Variants in PXDNL observed in about 807,000 individuals in gnomAD.
The protein encoded by PXDNL is peroxidasin like.
A neutral mutation model predicts 150.8 loss-of-function variants in PXDNL; 145 were observed. The ratio of observed to expected loss-of-function variants is 0.96; its 90% CI spans 0.84 to 1.10. PXDNL has a LOEUF of 1.10. Ranked by LOEUF, PXDNL falls within the 50% of genes least tolerant of loss-of-function variation. PXDNL has a pLI of 0.00. For synonymous variants in PXDNL, 757 were observed against 725.7 expected, an observed-to-expected ratio of 1.04 and a Z score of -0.69; for missense variants, 2,087 against 1,873.9, an observed-to-expected ratio of 1.11 and a Z score of -2.10.
intron 4 of PXDNL, among the ~76,000 whole-genome samples, chr8:51,504,601 A>G (rs544563906): frequency 1.3e-5 from 2 of 152,332 alleles, no homozygotes; most frequent in South Asian, 4.1e-4. Flanking sequence ...GTACTGTTGC[A>G]ATGTAATATT....
chr8:51,353,923 T>C (rs537273266), intron 19 of PXDNL, among the ~76,000 whole-genome samples: 1 of 152,284 alleles, frequency 6.6e-6, no homozygotes, highest in Admixed American at 6.5e-5. Context: ...CCATTATCAA[T>C]ATTTTGCTTA....
chr8:51,468,202 G>T (rs1401412767), intron 8 of PXDNL, among the ~76,000 whole-genome samples: 13 of 151,864 alleles, frequency 8.6e-5, no homozygotes, highest in Non-Finnish European at 7.4e-5. Flanking sequence ...GCTAATTTTT[G>T]TTCCTAATCG....
intron 4 of PXDNL, among the ~76,000 whole-genome samples, chr8:51,538,539 G>C (rs1335581006): frequency 6.6e-6 from 1 of 152,140 alleles, no homozygotes; most frequent in Non-Finnish European, 1.5e-5. Flanking sequence ...GCTGAGGCGG[G>C]TGGATCACCT....
chr8:51,712,668 G>A (rs78199971), intron 1 of PXDNL, among the ~76,000 whole-genome samples: 12,013 of 152,114 alleles, frequency 0.079, 696 homozygotes, highest in African/African-American at 0.17. Flanking sequence ...AATGACTTTA[G>A]CTTCTATAGT....
Position 51,320,849 on chromosome 8 carries a change from T to C in PXDNL, c.4195A>G (p.Arg1399Gly), listed in dbSNP as rs973601661. The C allele has an allele frequency of 6.2e-7, 1 of 1,614,008 alleles. No individual in the cohort carries two copies. Residue 1399 changes from arginine to glycine, a missense_variant, in exon 22 of 23, where the codon AGA (arginine) becomes GGA (glycine). By Grantham distance (125) the Arg-to-Gly change is moderately radical (BLOSUM62 -2). Transcript: ENST00000356297. ...RLRQAGCTDV[R>G]GVPRKAEERW... The stretch of plus-strand genomic sequence containing the variant: ...TCCTCGGCCTTCCTTGGAACCCCTC[T>C]AACATCTGTACACCCTGCCTGCCTC...
intron 8 of PXDNL, among the ~76,000 whole-genome samples, chr8:51,470,626 TTAAAACAGA>T (rs1170278612): frequency 6.6e-6 from 1 of 151,998 alleles, no homozygotes; most frequent in Non-Finnish European, 1.5e-5. Flanking sequence ...CAGTTCAGTT[TTAAAACAGA>T]TATACAAACC....
intron 5 of PXDNL, among the ~76,000 whole-genome samples, chr8:51,493,729 G>GA (rs1415670963): frequency 3.3e-5 from 5 of 152,112 alleles, no homozygotes; most frequent in Admixed American, 6.6e-5. Context: ...GAAGTTTAGA[G>GA]AAAAAAGAAT....
chr8:51,441,040 A>G (rs1809533719), intron 12 of PXDNL, among the ~76,000 whole-genome samples: 1 of 152,150 alleles, frequency 6.6e-6, no homozygotes, highest in Non-Finnish European at 1.5e-5. Flanking sequence ...AATTGTAATA[A>G]TTCCCACGTG....
intron 4 of PXDNL, 119 bp downstream of exon 4, chr8:51,556,721 A>G: frequency 1.5e-6 from 1 of 669,916 alleles, no homozygotes; most frequent in Admixed American, 2.6e-5. Flanking sequence ...ATATTCAATC[A>G]TTCAAGCCAC....
chr8:51,564,317 G>A (rs1812770598), intron 3 of PXDNL, among the ~76,000 whole-genome samples: 1 of 151,924 alleles, frequency 6.6e-6, no homozygotes, highest in African/African-American at 2.4e-5. Context: ...CTATTTGTGG[G>A]TTAGAAAAAG....
intron 1 of PXDNL, among the ~76,000 whole-genome samples, chr8:51,690,504 A>T (rs1056970514): frequency 4.6e-5 from 7 of 152,026 alleles, no homozygotes; most frequent in African/African-American, 1.7e-4. Context: ...TGAACTCATC[A>T]TTTGTTATGG....
chr8:51,685,122 T>C (rs925850973), intron 1 of PXDNL, among the ~76,000 whole-genome samples: 1 of 152,226 alleles, frequency 6.6e-6, no homozygotes, highest in African/African-American at 2.4e-5. Context: ...CCAATGTGTC[T>C]CACTGTGCTG....
rs537447083 is a variant in PXDNL at position 51,662,043 on chromosome 8, G to A, written c.165-7283C>T. On this transcript the variant is annotated intron_variant, in intron 1 of 22. Transcript: ENST00000356297. The stretch of plus-strand genomic sequence containing the variant: ...CATCCCACATCTACACTATTTTCCA[G>A]AAATCAGTTTAATTCCCTCTCAAGC... Among the ~76,000 whole-genome samples, 3 of 152,170 alleles carry A rather than the reference G, an allele frequency of 2.0e-5. No individual in the cohort carries two copies. In the East Asian group the frequency reaches 5.8e-4, roughly 29 times the overall value.
chr8:51,651,638 T>C (rs1313408836), intron 2 of PXDNL, among the ~76,000 whole-genome samples: 2 of 152,192 alleles, frequency 1.3e-5, no homozygotes, highest in Non-Finnish European at 2.9e-5. Flanking sequence ...GCTATTTAAA[T>C]AGTGGCATGC....
At chr8:51,730,213 G>T (rs534560441) in intron 1 of PXDNL, among the ~76,000 whole-genome samples, 731 of 28,240 alleles carry the variant, frequency 0.026, 6 homozygotes, top group African/African-American at 0.036. Context: ...GAGCAAGATG[G>T]CATATGGGCC....
rs1245898551 is a variant in PXDNL, at chr8:51,580,343, T to G, written c.308+12284A>C. ...ATGTTATCTCTCTGCGTATTATTTCTTACAGTGGCATGTGAATTTATAATT... is the reference window on the plus strand; with the variant it reads ...ATGTTATCTCTCTGCGTATTATTTCGTACAGTGGCATGTGAATTTATAATT... On this transcript the variant is annotated intron_variant, in intron 3 of 22. Transcript: ENST00000356297. Among the ~76,000 whole-genome samples the G allele has an allele frequency of 2.0e-5, 3 of 152,184 alleles. No homozygotes were observed. The South Asian group carries it at 6.2e-4, about 32-fold the overall frequency.
At chr8:51,509,591 C>A (rs1413159248) in intron 4 of PXDNL, among the ~76,000 whole-genome samples, 1 of 151,892 alleles carries the variant, frequency 6.6e-6, no homozygotes, top group Non-Finnish European at 1.5e-5. Flanking sequence ...TGTCTCCTTC[C>A]CTGACCACCA....
At chr8:51,351,795 C>A (rs1329304002) in intron 19 of PXDNL, among the ~76,000 whole-genome samples, 1 of 152,110 alleles carries the variant, frequency 6.6e-6, no homozygotes, top group African/African-American at 2.4e-5. Context: ...TACTGAAGGC[C>A]ACCTGGAGGC....
At chr8:51,696,726 C>CAT (rs1816142713) in intron 1 of PXDNL, among the ~76,000 whole-genome samples, 2 of 2,338 alleles carry the variant, frequency 8.6e-4, no homozygotes, top group Non-Finnish European at 1.7e-3. Context: ...CACACACATC[C>CAT]ACACACAGGT....
Sources: gnomAD v4.1 joint callset for allele counts (sites outside exome capture counted in the v4.1 genomes callset) on GRCh38, gnomAD v4.1.1 for gene constraint, MANE v1.5 for transcripts, NCBI Gene and HGNC (gene_info 2026-07-23, HGNC 2026-07-21) for gene names.